The following FLNC variants were observed in gnomAD, a reference collection of about 807,000 sequenced individuals.
The protein encoded by FLNC is filamin-C.
A neutral mutation model predicts 254.3 loss-of-function variants in FLNC; 91 were observed. The observed-to-expected ratio is 0.36, with a 90% CI of 0.30 to 0.43. FLNC has a LOEUF of 0.43. FLNC is among the 20% of genes least tolerant of loss of function. FLNC has a pLI of 1.00. For synonymous variants in FLNC, 1,430 were observed against 1,577.2 expected (o/e 0.91, Z 2.21); for missense variants, 2,853 against 3,802.6 (o/e 0.75, Z 6.57).
Position 128,855,227 on chromosome 7 carries a change from T to C in FLNC, c.7164T>C (p.Asn2388=), listed in dbSNP as rs1000562422. The part of the protein sequence containing the change: ...PGDYEVSIKF[N]DEHIPDSPFV... ...ACTATGAGGTCTCCATCAAGTTCAA[T>C]GATGAGCACATCCCAGACAGCCCCT... Residue 2388 remains asparagine (N), a synonymous_variant, in exon 43 of 48, where the codon AAT becomes AAC. Coordinates refer to ENST00000325888, the MANE Select transcript of FLNC (RefSeq NM_001458.5). 11 of 1,613,526 alleles carry C rather than the reference T, an allele frequency of 6.8e-6. No homozygotes were observed. The highest frequency in any genetic ancestry group is 5.0e-5 in the Admixed American group (3 of 60,034).
At chr7:128,846,649 C>A (rs570931707) in intron 23 of FLNC, 96 bp from the exon 24 acceptor site, 259 of 1,394,858 alleles carry the variant, frequency 1.9e-4, no homozygotes, top group Non-Finnish European at 2.4e-4. Flanking sequence ...GGGTCCCCAG[C>A]GGCCTGCCCT....
chr7:128,837,882 G>C, intron 5 of FLNC, 105 bp from the exon 6 acceptor site: 1 of 1,375,914 alleles, frequency 7.3e-7, no homozygotes, highest in Admixed American at 1.8e-5. Flanking sequence ...GTCTGGGGAA[G>C]GTGTCACCAT....
chr7:128,840,630 G>A lies in FLNC; in HGVS notation c.1632G>A (p.Lys544=), dbSNP rs566538377. 1.1e-5 allele frequency: 18 copies of A among 1,614,226 alleles called. No homozygotes were observed. The South Asian group carries it at 1.2e-4, about 11-fold the overall frequency. The change falls in exon 10 of 48, where the codon AAG becomes AAA. Residue 544 remains lysine (K), a synonymous_variant. Coordinates refer to ENST00000325888, the MANE Select transcript of FLNC (RefSeq NM_001458.5). ...ECEYYPVVPG[K]YVVTITWGGY... ...AGTACTACCCGGTGGTGCCTGGGAA[G>A]TATGTGGTGACCATCACGTGGGGCG... is the stretch of plus-strand genomic sequence containing the variant.
intron 20 of FLNC, 69 bp downstream of exon 20, chr7:128,844,335 G>A: frequency 6.6e-7 from 1 of 1,515,888 alleles, no homozygotes; most frequent in Non-Finnish European, 8.9e-7. Flanking sequence ...AGTCATAGGG[G>A]GCAGAGGCCA....
In FLNC at chr7:128,838,249, T is replaced by C; in HGVS notation, c.1048-18T>C. On this transcript the variant is annotated intron_variant, in intron 6 of 47. Coordinates refer to ENST00000325888, the MANE Select transcript of FLNC (RefSeq NM_001458.5). ...ACTGCTCTCCCCTAGAAGCTAACCTTTGACCTCTGACCCCTAGGTGACCGT... is the reference window on the plus strand; with the variant it reads ...ACTGCTCTCCCCTAGAAGCTAACCTCTGACCTCTGACCCCTAGGTGACCGT... 1 of 1,613,380 alleles carries C rather than the reference T, an allele frequency of 6.2e-7. No homozygotes were observed. The highest frequency in any genetic ancestry group is 8.5e-7 in the Non-Finnish European group (1 of 1,179,502).
rs777210524 is a variant in FLNC, at chr7:128,838,756, C to T, written c.1364C>T (p.Ala455Val). Reference sequence around the variant, plus strand: ...CCACATACCGTGCATGTGGCCTTTGCGGGTGCCCCCATCACCCGCAGTCCC... The same window carrying T: ...CCACATACCGTGCATGTGGCCTTTGTGGGTGCCCCCATCACCCGCAGTCCC... ...EGPHTVHVAF[A>V]GAPITRSPFP... The change falls in exon 8 of 48, where the codon GCG becomes GTG. Residue 455 changes from alanine (A) to valine (V), a missense_variant. Transcript: ENST00000325888. 65 of 1,612,878 alleles carry T rather than the reference C, an allele frequency of 4.0e-5. No individual in the cohort carries two copies. The highest frequency in any genetic ancestry group is 5.0e-5 in the Admixed American group (3 of 60,014).
chr7:128,857,424 TCTGCCCCCAGA>T lies in FLNC; in HGVS notation c.7780+90_7780+100del. On this transcript the variant is annotated intron_variant, in intron 46 of 47. Coordinates refer to ENST00000325888, the MANE Select transcript of FLNC (RefSeq NM_001458.5). The surrounding 1 kb of genome is among the most constrained non-coding windows in gnomAD (Gnocchi z 4.5). The stretch of plus-strand genomic sequence containing the variant: ...GTGGCCACGCACATCTAGGCCATAG[TCTGCCCCCAGA>T]CATCATGGTCAGTTTACCAGGGCTA... 1.3e-6 allele frequency: 1 copy of T among 799,938 alleles called. No homozygotes were observed. Among genetic ancestry groups the T allele is most frequent in the East Asian group, 2.7e-5 (1 of 37,724 alleles). The allele number at this position is 799,938 out of a possible 1,614,324, so 49.6% of individuals were successfully genotyped here.
intron 21 of FLNC, among the ~76,000 whole-genome samples, chr7:128,845,735 C>T (rs555710848): frequency 1.3e-5 from 2 of 151,056 alleles, no homozygotes; most frequent in South Asian, 4.2e-4. Flanking sequence ...CAGAGAATGT[C>T]ACTACATGGA....
chr7:128,855,664 T>C (rs756299722), intron 43 of FLNC, among the ~76,000 whole-genome samples: 1 of 152,262 alleles, frequency 6.6e-6, no homozygotes, highest in African/African-American at 2.4e-5. Flanking sequence ...AAACTAAGAG[T>C]AAACCAGTTT....
Position 128,856,991 on chromosome 7 carries a change from C to T in FLNC, c.7561+70C>T. The T allele has an allele frequency of 6.3e-7, 1 of 1,587,836 alleles. No homozygotes were observed. Among genetic ancestry groups the T allele is most frequent in the Middle Eastern group, 1.7e-4 (1 of 6,018 alleles). ...TGGCCACTAGTCTGGTGCTGCTTTG[C>T]TCCAGAGGTAGGGGCCCTGCTTCCT... is the stretch of plus-strand genomic sequence containing the variant. On this transcript the variant is annotated intron_variant, in intron 45 of 47. Transcript: ENST00000325888. This position sits in a 1 kb window ranked among gnomAD's most constrained non-coding sequence, Gnocchi z 5.9.
In FLNC at chr7:128,856,845, C is replaced by T. The variant is rs781056503; in HGVS notation, c.7485C>T (p.Arg2495=). The change falls in exon 45 of 48, where the codon CGC becomes CGT. Residue 2495 remains arginine (R), a synonymous_variant. Coordinates refer to ENST00000325888, the MANE Select transcript of FLNC (RefSeq NM_001458.5). This position sits in a 1 kb window ranked among gnomAD's most constrained non-coding sequence, Gnocchi z 5.9. The part of the protein sequence containing the change: ...AHIPGSPFKI[R]VGEQSQAGDP... ...TCCCTGGAAGTCCCTTCAAGATCCG[C>T]GTTGGGGAGCAGAGCCAGGCTGGGG... 3.7e-5 allele frequency: 60 copies of T among 1,614,114 alleles called. No individual in the cohort carries two copies. The highest frequency in any genetic ancestry group is 3.3e-4 in the Admixed American group (20 of 60,028).
At position 128,851,545 on chromosome 7, in the gene FLNC, C is replaced by T. The variant is rs199714090; in HGVS notation, c.5759C>T (p.Pro1920Leu). The change falls in exon 35 of 48, where the codon CCG becomes CTG. Residue 1920 changes from proline (P) to leucine (L), a missense_variant. Physicochemically the swap from Pro to Leu is moderately conservative, Grantham distance 98. Transcript: ENST00000325888. ...GGCACCTGCACCGTGTCCTATCTGC[C>T]GACTGCGCCTGGAGACTACAGCATC... The part of the protein sequence containing the change: ...KDGTCTVSYL[P>L]TAPGDYSIIV... 3.7e-6 allele frequency: 6 copies of T among 1,613,972 alleles called. No individual in the cohort carries two copies. Among genetic ancestry groups the T allele is most frequent in the East Asian group, 4.5e-5 (2 of 44,874 alleles).
At chr7:128,832,410 T>A (rs1253853697) in intron 1 of FLNC, among the ~76,000 whole-genome samples, 2 of 152,162 alleles carry the variant, frequency 1.3e-5, no homozygotes, top group Non-Finnish European at 1.5e-5. Flanking sequence ...TGGGCCGGCA[T>A]CCTCAGCAGG....
At position 128,852,689 on chromosome 7, in the gene FLNC, A is replaced by G. The variant is rs1808870602; in HGVS notation, c.5941A>G (p.Ile1981Val). 6.2e-7 allele frequency: 1 copy of G among 1,613,282 alleles called. No individual in the cohort carries two copies. The highest frequency in any genetic ancestry group is 1.3e-5 in the African/African-American group (1 of 75,038). ...TGATCTGAGCCAGCTGACCGCCAGC[A>G]TCCGTGCCCCCTCGGGCAACGAGGA... ...ESDLSQLTAS[I>V]RAPSGNEEPC... Residue 1981 changes from isoleucine to valine, a missense_variant, in exon 36 of 48, where the codon ATC (isoleucine) becomes GTC (valine). Ile to Val is a conservative substitution (Grantham distance 29, BLOSUM62 3). Around this residue, in one of 10 missense-constraint regions of FLNC, gnomAD observed 551 missense variants for 835.0 expected, o/e 0.66. Transcript: ENST00000325888.
Position 128,830,526 on chromosome 7 carries a change from G to T in FLNC, c.-112G>T. ...GCCCCGGCGCGAGAGAAGTTGGAGA[G>T]GAGAGCAGCGCAGCGCAGCGAGTCC... On this transcript the variant is annotated 5_prime_UTR_variant, in exon 1 of 48. It adds an upstream start codon to the 5' untranslated region. Transcript: ENST00000325888. 1 of 909,306 alleles carries T rather than the reference G, an allele frequency of 1.1e-6. No homozygotes were observed. Among genetic ancestry groups the T allele is most frequent in the South Asian group, 1.5e-5 (1 of 65,248 alleles). 56.3% of individuals were successfully genotyped at this position (909,306 alleles called of 1,614,324 possible). A position where few individuals can be genotyped will look rare whatever the true frequency, so the allele number is the denominator to read the frequency against.
chr7:128,855,157 A>G (rs746002861), intron 42 of FLNC, 42 bp from the exon 43 acceptor site: 1 of 1,424,732 alleles, frequency 7.0e-7, no homozygotes, highest in Non-Finnish European at 9.9e-7. Context: ...CGCCCTGCCA[A>G]CCTCCATCCC....
At position 128,843,489 on chromosome 7, in the gene FLNC, G is replaced by C; in HGVS notation, c.2723G>C (p.Gly908Ala). The C allele has an allele frequency of 6.2e-7, 1 of 1,614,106 alleles. No homozygotes were observed. Among genetic ancestry groups the C allele is most frequent in the Non-Finnish European group, 8.5e-7 (1 of 1,180,032 alleles). Residue 908 changes from glycine (G) to alanine (A), a missense_variant, in exon 18 of 48, where the codon GGG (glycine) becomes GCG (alanine). Physicochemically the swap from Gly to Ala is moderately conservative, Grantham distance 60. Around this residue, in one of 10 missense-constraint regions of FLNC, gnomAD observed 1,573 missense variants for 1,883.5 expected, o/e 0.84. Transcript: ENST00000325888. The stretch of plus-strand genomic sequence containing the variant: ...GCCAAGCTGGATGTGCAGTTTGCAG[G>C]GACAGCCAAGGGCGAGGTTGTGCGG... ...GKAKLDVQFA[G>A]TAKGEVVRDF...
At chr7:128,831,425 G>A (rs1396624739) in intron 1 of FLNC, among the ~76,000 whole-genome samples, 1 of 152,232 alleles carries the variant, frequency 6.6e-6, no homozygotes, top group Non-Finnish European at 1.5e-5. Flanking sequence ...GCCCCTCCGC[G>A]GGCTGGGAGA....
Position 128,854,076 on chromosome 7 carries a change from C to T in FLNC, c.6587C>T (p.Thr2196Met), listed in dbSNP as rs560228151. 1.9e-5 allele frequency: 30 copies of T among 1,613,180 alleles called. No individual in the cohort carries two copies. In the South Asian group the frequency reaches 2.2e-4, roughly 12 times the overall value. Reference sequence around the variant, plus strand: ...ACGGAGCGCACGGAGATCAGCAAGACGCGGGGCGGGGAGACAAAGCGCGAG... The same window carrying T: ...ACGGAGCGCACGGAGATCAGCAAGATGCGGGGCGGGGAGACAAAGCGCGAG... Reference protein sequence around the residue: ...TRTERTEISKTRGGETKREVR... With the variant: ...TRTERTEISKMRGGETKREVR... Residue 2196 changes from threonine (T) to methionine (M), a missense_variant, in exon 40 of 48, where the codon ACG becomes ATG. By Grantham distance (81) the Thr-to-Met change is moderately conservative (BLOSUM62 -1). Coordinates refer to ENST00000325888, the MANE Select transcript of FLNC (RefSeq NM_001458.5).
Sources: gnomAD v4.1 joint callset for allele counts (sites outside exome capture counted in the v4.1 genomes callset) on GRCh38, gnomAD v4.1.1 for gene constraint, gnomAD v4.1.1 regional missense constraint, Gnocchi (gnomAD v3.1) non-coding constraint, MANE v1.5 for transcripts, NCBI Gene and HGNC (gene_info 2026-07-23, HGNC 2026-07-21) for gene names.